The following ZNF367 variants were observed in gnomAD, a reference collection of about 807,000 sequenced individuals.
ZNF367 encodes zinc finger protein 367.
Under a neutral mutation model 31.8 loss-of-function variants are expected in ZNF367, and 11 were observed. That is an observed-to-expected ratio of 0.35 (90% confidence interval 0.22 to 0.57). ZNF367 has a LOEUF of 0.57. Ranked by LOEUF, ZNF367 falls within the 20% of genes least tolerant of loss-of-function variation. The pLI, the probability that ZNF367 is intolerant of heterozygous loss-of-function variation, is 0.85. For missense variants in ZNF367, 353 were observed against 484.1 expected, an observed-to-expected ratio of 0.73 and a Z score of 2.54; for synonymous variants, 199 against 202.4, an observed-to-expected ratio of 0.98 and a Z score of 0.14.
At chr9:96,398,549 T>A (rs1347236974) in intron 1 of ZNF367, among the ~76,000 whole-genome samples, 1 of 152,070 alleles carries the variant, frequency 6.6e-6, no homozygotes, top group Non-Finnish European at 1.5e-5. Context: ...AAGCCTTTCT[T>A]AAGGGACATC....
chr9:96,404,484 T>C (rs1457618663), intron 1 of ZNF367, among the ~76,000 whole-genome samples: 1 of 151,734 alleles, frequency 6.6e-6, no homozygotes, highest in Non-Finnish European at 1.5e-5. Context: ...TCCCAGCTAC[T>C]CGGGAGGCTG....
At position 96,409,538 on chromosome 9, in the gene ZNF367, G is replaced by A. The variant is rs113995336; in HGVS notation, c.420+8075C>T. 7.0e-3 allele frequency among the ~76,000 whole-genome samples: 1,072 copies of A among 152,326 alleles called. 10 individuals are homozygous for A. Among genetic ancestry groups the A allele is most frequent in the African/African-American group, 0.024 (989 of 41,572 alleles). ...AGTGGGTTAGTAACGAATATCTGTT[G>A]ATGAAACAAAAAGCTCATCAACCTT... On this transcript the variant is annotated intron_variant, in intron 1 of 4. Transcript: ENST00000375256.
In ZNF367 at chr9:96,417,355, C is replaced by T. The variant is rs946760778; in HGVS notation, c.420+258G>A. Among the ~76,000 whole-genome samples, 6 of 152,114 alleles carry T rather than the reference C, an allele frequency of 3.9e-5. No homozygotes were observed. Among genetic ancestry groups the T allele is most frequent in the Non-Finnish European group, 8.8e-5 (6 of 68,014 alleles). On this transcript the variant is annotated intron_variant, in intron 1 of 4. Transcript: ENST00000375256. The surrounding 1 kb of genome is among the most constrained non-coding windows in gnomAD (Gnocchi z 5.0). ...TCAGTGGCCGTTGACCCGGCCTCCC[C>T]AGCGACCCCGGGCCGCGCTCCCGCC...
chr9:96,416,914 C>G (rs1222702106), intron 1 of ZNF367, among the ~76,000 whole-genome samples: 1 of 152,232 alleles, frequency 6.6e-6, no homozygotes, highest in Non-Finnish European at 1.5e-5. Flanking sequence ...CGCTCTTCCA[C>G]TACTGAGCTG....
intron 1 of ZNF367, among the ~76,000 whole-genome samples, chr9:96,405,569 A>G (rs2131078539): frequency 6.6e-6 from 1 of 152,296 alleles, no homozygotes; most frequent in East Asian, 1.9e-4. Flanking sequence ...TCATATATAT[A>G]TACATATACA....
intron 1 of ZNF367, among the ~76,000 whole-genome samples, chr9:96,415,156 G>A (rs1346684878): frequency 6.7e-6 from 1 of 148,232 alleles, no homozygotes. Context: ...CCGGGTTCAC[G>A]CCATTCTCCT....
rs560216902 is a variant in ZNF367, at chr9:96,417,927, T to C, written c.106A>G (p.Arg36Gly). 1.3e-6 allele frequency: 2 copies of C among 1,515,010 alleles called. No individual in the cohort carries two copies. Among genetic ancestry groups the C allele is most frequent in the Non-Finnish European group, 1.8e-6 (2 of 1,139,074 alleles). The allele number at this position is 1,515,010 out of a possible 1,614,324, so 93.8% of individuals were successfully genotyped here. ...SPKRVLVSVI[R>G]TTPIKPTCGG... Reference sequence around the variant, plus strand: ...CACGTTGGCTTGATCGGGGTCGTCCTGATGACCGACACCAGCACCCGCTTC... The same window carrying C: ...CACGTTGGCTTGATCGGGGTCGTCCCGATGACCGACACCAGCACCCGCTTC... The change falls in exon 1 of 5, where the codon AGG (arginine) becomes GGG (glycine). Residue 36 changes from arginine (R) to glycine (G), a missense_variant. Around this residue, in one of 5 missense-constraint regions of ZNF367, gnomAD observed 94 missense variants for 86.7 expected, o/e 1.08. Coordinates refer to ENST00000375256, the MANE Select transcript of ZNF367 (RefSeq NM_153695.4). The surrounding 1 kb of genome is among the most constrained non-coding windows in gnomAD (Gnocchi z 5.0).
At chr9:96,391,385 TGAA>T (rs1831470276) in intron 4 of ZNF367, among the ~76,000 whole-genome samples, 1 of 152,128 alleles carries the variant, frequency 6.6e-6, no homozygotes, top group Non-Finnish European at 1.5e-5. Context: ...GAGTAAGAGA[TGAA>T]GGTGAGCAAG....
rs1398519530 is a variant in ZNF367, at chr9:96,391,821, A to G, written c.830+577T>C. Among the ~76,000 whole-genome samples the G allele has an allele frequency of 2.0e-5, 3 of 152,198 alleles. No individual in the cohort carries two copies. In the South Asian group the frequency reaches 6.2e-4, roughly 32 times the overall value. On this transcript the variant is annotated intron_variant, in intron 4 of 4. Transcript: ENST00000375256. ...GGTCTCACTCTGTCACCCAGGCTGG[A>G]GTACAAGAGTGCAGTGGGGCCATCT...
At chr9:96,409,552 C>T (rs983826791) in intron 1 of ZNF367, among the ~76,000 whole-genome samples, 1 of 152,228 alleles carries the variant, frequency 6.6e-6, no homozygotes, top group Non-Finnish European at 1.5e-5. Flanking sequence ...AAACAAAAAG[C>T]TCATCAACCT....
chr9:96,403,225 C>T (rs189838028), intron 1 of ZNF367, among the ~76,000 whole-genome samples: 11 of 152,292 alleles, frequency 7.2e-5, no homozygotes, highest in Non-Finnish European at 1.2e-4. Context: ...GCCTTGGCCT[C>T]CCAAAGTGCT....
intron 1 of ZNF367, among the ~76,000 whole-genome samples, chr9:96,416,068 T>C (rs1445735690): frequency 2.7e-5 from 4 of 150,560 alleles, no homozygotes; most frequent in African/African-American, 9.8e-5. Flanking sequence ...CAGGCTCTGT[T>C]ATGGTTTTTT....
chr9:96,391,349 G>A (rs551629888), intron 4 of ZNF367, among the ~76,000 whole-genome samples: 15 of 152,204 alleles, frequency 9.9e-5, no homozygotes, highest in Non-Finnish European at 1.8e-4. Flanking sequence ...CCCGTTTGTT[G>A]CTGAGCAGGT....
At chr9:96,410,654 T>C (rs1213965770) in intron 1 of ZNF367, among the ~76,000 whole-genome samples, 1 of 137,496 alleles carries the variant, frequency 7.3e-6, no homozygotes. Context: ...GGTGGGTGGA[T>C]CACAAGGTCA....
intron 1 of ZNF367, among the ~76,000 whole-genome samples, chr9:96,415,479 A>ATTTTTTTTTTTTTT (rs56349404): frequency 2.6e-5 from 1 of 37,784 alleles, no homozygotes; most frequent in African/African-American, 1.1e-4. Context: ...TAGTTTCTTC[A>ATTTTTTTTTTTTTT]TTTTTTTTTT....
intron 1 of ZNF367, among the ~76,000 whole-genome samples, chr9:96,416,290 G>A (rs1190541266): frequency 6.6e-6 from 1 of 151,864 alleles, no homozygotes; most frequent in East Asian, 1.9e-4. Context: ...GTTTCACCGT[G>A]TTAGCCAGGA....
intron 1 of ZNF367, among the ~76,000 whole-genome samples, chr9:96,409,912 T>C (rs1414662096): frequency 6.6e-6 from 1 of 152,184 alleles, no homozygotes. Flanking sequence ...TAAAAGAATA[T>C]AGCATCTGTG....
chr9:96,388,759 G>A (rs73541038), intron 4 of ZNF367, among the ~76,000 whole-genome samples: 2 of 152,194 alleles, frequency 1.3e-5, no homozygotes, highest in Non-Finnish European at 2.9e-5. Context: ...AAATGGACTT[G>A]AGTAAAATAC....
At chr9:96,406,404 T>G (rs1350021671) in intron 1 of ZNF367, among the ~76,000 whole-genome samples, 1 of 152,226 alleles carries the variant, frequency 6.6e-6, no homozygotes, top group Non-Finnish European at 1.5e-5. Flanking sequence ...TGAATTATCT[T>G]CTAGGATAAA....
Sources: allele counts gnomAD v4.1 joint callset (sites outside exome capture counted in the v4.1 genomes callset), GRCh38; gene constraint gnomAD v4.1.1; regional missense constraint gnomAD v4.1.1; non-coding constraint Gnocchi (gnomAD v3.1); transcripts MANE v1.5; gene names NCBI Gene and HGNC (gene_info 2026-07-23, HGNC 2026-07-21).